Variants in SEZ6L observed in about 807,000 individuals in gnomAD.
SEZ6L encodes seizure 6-like protein.
Under a neutral mutation model 106.2 loss-of-function variants are expected in SEZ6L, and 37 were observed. The observed-to-expected ratio is 0.35, with a 90% CI of 0.27 to 0.46. The LOEUF is 0.46. SEZ6L is among the 20% of genes least tolerant of loss of function. SEZ6L has a pLI of 1.00. For synonymous variants in SEZ6L, 541 were observed against 570.4 expected, an observed-to-expected ratio of 0.95 and a Z score of 0.73; for missense variants, 1,172 against 1,332.8, an observed-to-expected ratio of 0.88 and a Z score of 1.88.
chr22:26,294,203 C>T, intron 2 of SEZ6L, 89 bp from the exon 3 acceptor site: 5 of 1,300,988 alleles, frequency 3.8e-6, no homozygotes, highest in Non-Finnish European at 4.3e-6. Flanking sequence ...AATGCAGGTT[C>T]CCCTAAAGCC....
At chr22:26,235,216 G>C (rs2078922723) in intron 1 of SEZ6L, among the ~76,000 whole-genome samples, 1 of 152,134 alleles carries the variant, frequency 6.6e-6, no homozygotes, top group Non-Finnish European at 1.5e-5. Context: ...CCCATTGTAT[G>C]ATGTTTAATA....
At chr22:26,270,024 T>C (rs113447300) in intron 1 of SEZ6L, among the ~76,000 whole-genome samples, 4,723 of 152,010 alleles carry the variant, frequency 0.031, 102 homozygotes, top group East Asian at 0.056. Flanking sequence ...TGAAAAGTGG[T>C]TAAGGACACT....
intron 1 of SEZ6L, among the ~76,000 whole-genome samples, chr22:26,268,815 A>G (rs1015252038): frequency 1.8e-4 from 27 of 152,310 alleles, no homozygotes; most frequent in Non-Finnish European, 3.4e-4. Context: ...TGGAGGACCA[A>G]ATTACCGTCA....
chr22:26,278,930 G>GAAGA (rs200073408), intron 1 of SEZ6L, among the ~76,000 whole-genome samples: 6 of 127,850 alleles, frequency 4.7e-5, no homozygotes, highest in East Asian at 2.6e-4. Flanking sequence ...AAGGGAAGAA[G>GAAGA]AAGAAAGAAA....
chr22:26,244,255 G>C (rs1016006011), intron 1 of SEZ6L: 3 of 152,200 alleles, frequency 2.0e-5, no homozygotes, highest in African/African-American at 7.2e-5. Flanking sequence ...TGTGAACCTT[G>C]CAATAAAATG....
intron 1 of SEZ6L, among the ~76,000 whole-genome samples, chr22:26,226,392 T>C (rs2078634232): frequency 6.6e-6 from 1 of 152,202 alleles, no homozygotes; most frequent in African/African-American, 2.4e-5. Flanking sequence ...TTTCACCAAG[T>C]TCACTTAGTG....
chr22:26,374,719 G>A (rs940145141), intron 14 of SEZ6L, among the ~76,000 whole-genome samples: 2 of 152,194 alleles, frequency 1.3e-5, no homozygotes, highest in Admixed American at 6.5e-5. Flanking sequence ...AGATGTGACC[G>A]TGGAGAATGG....
chr22:26,380,450 T>C lies in SEZ6L; in HGVS notation c.*155T>C. ...AAGGTTTACTGTTTTCTTCCCTGTA[T>C]TTATTATATTTAAAAGTGAAATAGG... is the stretch of plus-strand genomic sequence containing the variant. On this transcript the variant is annotated 3_prime_UTR_variant, in exon 17 of 17. Transcript: ENST00000248933. The C allele has an allele frequency of 1.8e-6, 1 of 544,516 alleles. No individual in the cohort carries two copies. 33.7% of individuals were successfully genotyped at this position (544,516 alleles called of 1,614,324 possible).
chr22:26,242,357 T>G (rs2079165357), intron 1 of SEZ6L, among the ~76,000 whole-genome samples: 1 of 152,232 alleles, frequency 6.6e-6, no homozygotes, highest in Admixed American at 6.5e-5. Flanking sequence ...CTCAAGCCCC[T>G]CCCTGGCTGG....
chr22:26,287,894 G>A (rs2080988253), intron 1 of SEZ6L, among the ~76,000 whole-genome samples: 1 of 152,180 alleles, frequency 6.6e-6, no homozygotes, highest in South Asian at 2.1e-4. Flanking sequence ...GAATTTATCT[G>A]GTGGATACAA....
Position 26,299,127 on chromosome 22 carries a change from G to T in SEZ6L, c.1306G>T (p.Ala436Ser). ...CGCTAAGATGCTGACATGCATCAAT[G>T]CCTCCAAGCCGCACTGGAGCAGCCA... ...QGAKMLTCINASKPHWSSQEP... is the reference protein window; with the variant it reads ...QGAKMLTCINSSKPHWSSQEP... Residue 436 changes from alanine to serine, a missense_variant, in exon 5 of 17, where the codon GCC becomes TCC. Ala to Ser is a moderately conservative substitution (Grantham distance 99). Transcript: ENST00000248933. 6.3e-7 allele frequency: 1 copy of T among 1,586,480 alleles called. No individual in the cohort carries two copies. The highest frequency in any genetic ancestry group is 1.8e-5 in the Admixed American group (1 of 56,964).
chr22:26,221,985 G>C (rs2078489974), intron 1 of SEZ6L, among the ~76,000 whole-genome samples: 1 of 152,148 alleles, frequency 6.6e-6, no homozygotes, highest in African/African-American at 2.4e-5. Context: ...CAAGCTTGTG[G>C]GAGCTCCTAA....
At chr22:26,194,639 A>G (rs941821518) in intron 1 of SEZ6L, among the ~76,000 whole-genome samples, 1 of 152,162 alleles carries the variant, frequency 6.6e-6, no homozygotes, top group Non-Finnish European at 1.5e-5. Context: ...TGGGGAAGAG[A>G]TGTTCCTGGT....
chr22:26,311,630 T>A lies in SEZ6L; in HGVS notation c.1682-138T>A. 3.8e-6 allele frequency: 3 copies of A among 780,622 alleles called. No individual in the cohort carries two copies. In the South Asian group the frequency reaches 5.2e-5, roughly 14 times the overall value. The allele number at this position is 780,622 out of a possible 1,614,324, so 48.4% of individuals were successfully genotyped here. Reference sequence around the variant, plus strand: ...GCCCCAGGGTTCTCAACACGTCAGCTGGAACCAGGACACGTAATTTGGTAC... The same window carrying A: ...GCCCCAGGGTTCTCAACACGTCAGCAGGAACCAGGACACGTAATTTGGTAC... On this transcript the variant is annotated intron_variant, in intron 7 of 16. Transcript: ENST00000248933.
chr22:26,249,735 T>G (rs1349519232), intron 1 of SEZ6L, among the ~76,000 whole-genome samples: 1 of 152,218 alleles, frequency 6.6e-6, no homozygotes, highest in Non-Finnish European at 1.5e-5. Flanking sequence ...CTACTTTTAA[T>G]TTTTTGAGAA....
intron 9 of SEZ6L, among the ~76,000 whole-genome samples, chr22:26,324,403 G>A (rs2082249486): frequency 1.3e-5 from 2 of 152,184 alleles, no homozygotes; most frequent in Non-Finnish European, 2.9e-5. Context: ...ATTGATAGCT[G>A]CAGAACAGTC....
At chr22:26,229,556 T>G (rs1030229431) in intron 1 of SEZ6L, among the ~76,000 whole-genome samples, 4 of 152,246 alleles carry the variant, frequency 2.6e-5, no homozygotes, top group African/African-American at 9.6e-5. Flanking sequence ...CCCAGCAATC[T>G]GTGACTTAAG....
intron 12 of SEZ6L, among the ~76,000 whole-genome samples, chr22:26,361,376 G>C (rs1417348952): frequency 6.7e-6 from 1 of 149,462 alleles, no homozygotes; most frequent in Non-Finnish European, 1.5e-5. Flanking sequence ...GCTTGGTGGC[G>C]CATGCCTGTG....
chr22:26,231,997 C>T (rs538217242), intron 1 of SEZ6L, among the ~76,000 whole-genome samples: 11 of 152,278 alleles, frequency 7.2e-5, no homozygotes, highest in African/African-American at 2.2e-4. Flanking sequence ...CCATGGGGCA[C>T]TGCAACAGAC....
Sources: gnomAD v4.1 joint callset for allele counts (sites outside exome capture counted in the v4.1 genomes callset) on GRCh38, gnomAD v4.1.1 for gene constraint, MANE v1.5 for transcripts, NCBI Gene and HGNC (gene_info 2026-07-23, HGNC 2026-07-21) for gene names.